TENM3: variants seen among roughly 807,000 people sequenced by gnomAD.
The protein encoded by TENM3 is teneurin transmembrane protein 3.
Under a neutral mutation model 255.1 loss-of-function variants are expected in TENM3, and 63 were observed. That is an observed-to-expected ratio of 0.25 (90% CI 0.20 to 0.30). The LOEUF is 0.30. Among genes scored for constraint, TENM3 ranks in the 10% least tolerant of loss-of-function variants. The pLI, the probability that TENM3 is intolerant of heterozygous loss-of-function variation, is 1.00. For missense variants in TENM3, 2,929 were observed against 3,461.1 expected (o/e 0.85, Z 3.86); for synonymous variants, 1,306 against 1,322.3 (o/e 0.99, Z 0.27).
chr4:181,490,648 G>C, the TENM3 span, among the ~76,000 whole-genome samples: 4 of 152,174 alleles, frequency 2.6e-5, no homozygotes, highest in South Asian at 8.3e-4. Context: ...GCTGATATTC[G>C]TCATGAGTAC....
intron 1 of TENM3, among the ~76,000 whole-genome samples, chr4:182,179,353 A>G (rs7662093): frequency 0.15 from 22,757 of 152,128 alleles, 3,362 homozygotes; most frequent in African/African-American, 0.38. Context: ...AACCCACACC[A>G]GAGTGAGTCA....
upstream of TENM3, among the ~76,000 whole-genome samples, chr4:182,239,438 C>T (rs1757104612): frequency 6.6e-6 from 1 of 152,096 alleles, no homozygotes; most frequent in South Asian, 2.1e-4. Context: ...CCTTTCATTG[C>T]TTAATTTATT....
the TENM3 span, among the ~76,000 whole-genome samples, chr4:182,100,833 ATATATACT>A: frequency 5.6e-4 from 4 of 7,102 alleles, no homozygotes; most frequent in African/African-American, 1.2e-3. Context: ...ATATATATAT[ATATATACT>A]CATATATATA....
the TENM3 span, among the ~76,000 whole-genome samples, chr4:181,916,134 C>T: frequency 3.4e-4 from 49 of 145,570 alleles, no homozygotes; most frequent in African/African-American, 1.1e-3. Context: ...CTAAAAGACT[C>T]TCTCCCCTTC....
At chr4:181,977,973 C>T in the TENM3 span, among the ~76,000 whole-genome samples, 1 of 152,124 alleles carries the variant, frequency 6.6e-6, no homozygotes, top group African/African-American at 2.4e-5. Context: ...AGAGAGAGGC[C>T]TTTCATGTTG....
chr4:182,355,001 C>CA (rs1765424751), intron 3 of TENM3, among the ~76,000 whole-genome samples: 1 of 152,160 alleles, frequency 6.6e-6, no homozygotes, highest in Non-Finnish European at 1.5e-5. Context: ...TCTAGAAGCT[C>CA]ACAGGGTGGT....
At chr4:181,850,017 A>G in the TENM3 span, among the ~76,000 whole-genome samples, 1 of 144,266 alleles carries the variant, frequency 6.9e-6, no homozygotes, top group South Asian at 2.3e-4. Context: ...GACCTTGAAT[A>G]TTCCTTGTCA....
the TENM3 span, among the ~76,000 whole-genome samples, chr4:181,552,159 T>C: frequency 6.6e-6 from 1 of 152,018 alleles, no homozygotes; most frequent in Non-Finnish European, 1.5e-5. Flanking sequence ...TTTCAGTAAA[T>C]ATGGGAGAAA....
chr4:182,174,502 TCA>T (rs71605053), intron 1 of TENM3, among the ~76,000 whole-genome samples: 13,713 of 137,500 alleles, frequency 0.1, 885 homozygotes, highest in Admixed American at 0.21. Flanking sequence ...AGCTACTAAT[TCA>T]CACACACACA....
chr4:182,420,165 G>C (rs1477138727), intron 3 of TENM3, among the ~76,000 whole-genome samples: 1 of 152,020 alleles, frequency 6.6e-6, no homozygotes, highest in Non-Finnish European at 1.5e-5. Flanking sequence ...TGCCCTATCT[G>C]TCAAGCAGCC....
the TENM3 span, among the ~76,000 whole-genome samples, chr4:181,986,975 G>A: frequency 6.6e-6 from 1 of 152,042 alleles, no homozygotes; most frequent in African/African-American, 2.4e-5. Flanking sequence ...TTCTTCCAAA[G>A]TTTCCACAAT....
chr4:182,423,062 T>G (rs904127387), intron 3 of TENM3, among the ~76,000 whole-genome samples: 3 of 152,322 alleles, frequency 2.0e-5, no homozygotes, highest in Admixed American at 1.3e-4. Context: ...AGATAGATGG[T>G]TTTTAAGCTG....
the TENM3 span, among the ~76,000 whole-genome samples, chr4:181,978,909 T>C: frequency 6.7e-6 from 1 of 149,030 alleles, no homozygotes; most frequent in African/African-American, 2.5e-5. Flanking sequence ...AGAGCCACAA[T>C]GGGTAATGGG....
At chr4:182,585,415 G>A (rs1288588803) in intron 3 of TENM3, among the ~76,000 whole-genome samples, 1 of 152,162 alleles carries the variant, frequency 6.6e-6, no homozygotes, top group Non-Finnish European at 1.5e-5. Context: ...CTCTAAGGAA[G>A]TAATTAAGGT....
At chr4:182,572,848 A>G (rs1044033818) in intron 3 of TENM3, among the ~76,000 whole-genome samples, 3 of 152,214 alleles carry the variant, frequency 2.0e-5, no homozygotes, top group Admixed American at 6.5e-5. Context: ...TGTGGGGGTC[A>G]GAAGTGCCAT....
intron 3 of TENM3, among the ~76,000 whole-genome samples, chr4:182,514,044 C>G (rs1196823449): frequency 6.6e-6 from 1 of 152,216 alleles, no homozygotes. Context: ...CCTAACCAAC[C>G]CTGATGCTTC....
At chr4:181,530,402 G>A in the TENM3 span, among the ~76,000 whole-genome samples, 1 of 152,188 alleles carries the variant, frequency 6.6e-6, no homozygotes, top group Non-Finnish European at 1.5e-5. Flanking sequence ...AAGCAAAGCA[G>A]CAAAGTTGAG....
At chr4:182,528,226 T>C (rs10014633) in intron 3 of TENM3, among the ~76,000 whole-genome samples, 1,668 of 152,254 alleles carry the variant, frequency 0.011, 31 homozygotes, top group African/African-American at 0.038. Context: ...CAAGCAACTC[T>C]CCTGCCTCAC....
At chr4:182,095,619 G>A in the TENM3 span, among the ~76,000 whole-genome samples, 1 of 152,044 alleles carries the variant, frequency 6.6e-6, no homozygotes, top group African/African-American at 2.4e-5. Context: ...AATGATACCT[G>A]GTGTTCAGTT....
Sources: gnomAD v4.1 joint callset for allele counts (sites outside exome capture counted in the v4.1 genomes callset) on GRCh38, gnomAD v4.1.1 for gene constraint, MANE v1.5 for transcripts, NCBI Gene and HGNC (gene_info 2026-07-23, HGNC 2026-07-21) for gene names.